Variants in EPHB1 observed in about 807,000 individuals in gnomAD.
EPHB1 encodes EPH receptor B1, also known as ephrin type-B receptor 1.
A neutral mutation model predicts 94.4 loss-of-function variants in EPHB1; 30 were observed. The observed-to-expected ratio is 0.32, with a 90% confidence interval of 0.24 to 0.43. The LOEUF is 0.43. Ranked by LOEUF, EPHB1 falls within the 20% of genes least tolerant of loss-of-function variation. The pLI is 1.00. For missense variants in EPHB1, 1,055 were observed against 1,308.3 expected, an observed-to-expected ratio of 0.81 and a Z score of 2.99; for synonymous variants, 522 against 489.1, an observed-to-expected ratio of 1.07 and a Z score of -0.89.
chr3:134,952,163 AT>A, intron 3 of EPHB1, 111 bp downstream of exon 3: 1 of 1,180,102 alleles, frequency 8.5e-7, no homozygotes, highest in Non-Finnish European at 1.2e-6. Flanking sequence ...CTAATGGCTT[AT>A]TATAAAGCTC....
At position 134,951,422 on chromosome 3, in the gene EPHB1, C is replaced by G; in HGVS notation, c.175C>G (p.Gln59Glu). Residue 59 changes from glutamine to glutamate, a missense_variant, in exon 3 of 16, where the codon CAG becomes GAG. Physicochemically the swap from Gln to Glu is conservative, Grantham distance 29. Coordinates refer to ENST00000398015, the MANE Select transcript of EPHB1 (RefSeq NM_004441.5). The surrounding 1 kb of genome is among the most constrained non-coding windows in gnomAD (Gnocchi z 4.5). ...DENLNTIRTY[Q>E]VCNVFEPNQN... ...AAACCTGAACACCATCCGCACCTAC[C>G]AGGTGTGCAATGTCTTCGAGCCCAA... The G allele has an allele frequency of 6.2e-7, 1 of 1,604,700 alleles. No individual in the cohort carries two copies. Among genetic ancestry groups the G allele is most frequent in the Non-Finnish European group, 8.5e-7 (1 of 1,174,548 alleles).
At chr3:135,141,465 G>A (rs1231245807) in intron 5 of EPHB1, among the ~76,000 whole-genome samples, 2 of 152,130 alleles carry the variant, frequency 1.3e-5, no homozygotes, top group African/African-American at 2.4e-5. Flanking sequence ...AGGTGTCCTG[G>A]CTGACCTTAC....
chr3:134,963,592 A>G (rs1402068031), intron 3 of EPHB1, among the ~76,000 whole-genome samples: 1 of 152,202 alleles, frequency 6.6e-6, no homozygotes, highest in African/African-American at 2.4e-5. Flanking sequence ...AAATCCTCAC[A>G]GAGCTTTATG....
At chr3:135,180,900 C>T (rs1942136075) in intron 10 of EPHB1, among the ~76,000 whole-genome samples, 1 of 152,186 alleles carries the variant, frequency 6.6e-6, no homozygotes, top group African/African-American at 2.4e-5. Context: ...TGTCCAAGCT[C>T]TCTTCACTAA....
At chr3:134,888,462 C>T (rs1203764789) in intron 1 of EPHB1, among the ~76,000 whole-genome samples, 1 of 152,118 alleles carries the variant, frequency 6.6e-6, no homozygotes, top group Non-Finnish European at 1.5e-5. Context: ...GTAATCCCAG[C>T]ACTTTGGGAG....
At chr3:134,826,960 T>C (rs2036491482) in intron 1 of EPHB1, among the ~76,000 whole-genome samples, 1 of 152,242 alleles carries the variant, frequency 6.6e-6, no homozygotes, top group Non-Finnish European at 1.5e-5. Flanking sequence ...GCATAGTGCA[T>C]GCAATAGGTT....
At chr3:135,062,811 A>G (rs1937532825) in intron 3 of EPHB1, among the ~76,000 whole-genome samples, 1 of 152,112 alleles carries the variant, frequency 6.6e-6, no homozygotes, top group Admixed American at 6.5e-5. Flanking sequence ...GGATTTTTAT[A>G]GTTTCAGGTC....
intron 6 of EPHB1, among the ~76,000 whole-genome samples, chr3:135,158,116 A>C (rs1435646832): frequency 2.6e-5 from 4 of 152,218 alleles, no homozygotes; most frequent in Non-Finnish European, 5.9e-5. Flanking sequence ...AATAAATCCA[A>C]ATACTTGCAA....
chr3:135,257,783 T>C (rs1185796805), intron 15 of EPHB1, among the ~76,000 whole-genome samples: 1 of 151,938 alleles, frequency 6.6e-6, no homozygotes, highest in Non-Finnish European at 1.5e-5. Context: ...TAAGCAAGCC[T>C]GGGCAATGGT....
chr3:135,182,478 C>T (rs370099288), intron 10 of EPHB1, among the ~76,000 whole-genome samples: 4 of 152,064 alleles, frequency 2.6e-5, no homozygotes, highest in Admixed American at 1.3e-4. Context: ...GTTCCAGAGG[C>T]GAATAAACAG....
chr3:135,016,077 C>A (rs925735680), intron 3 of EPHB1, among the ~76,000 whole-genome samples: 2 of 152,134 alleles, frequency 1.3e-5, no homozygotes, highest in Non-Finnish European at 2.9e-5. Context: ...GAAAGCTAGC[C>A]CTCCTGGTTG....
intron 3 of EPHB1, among the ~76,000 whole-genome samples, chr3:135,076,839 T>A (rs1937944771): frequency 6.6e-6 from 1 of 152,174 alleles, no homozygotes; most frequent in African/African-American, 2.4e-5. Flanking sequence ...TGAAGCCAGA[T>A]TTTTGAAAAT....
intron 1 of EPHB1, among the ~76,000 whole-genome samples, chr3:134,807,880 G>A (rs2036098184): frequency 6.6e-6 from 1 of 152,170 alleles, no homozygotes; most frequent in South Asian, 2.1e-4. Context: ...TGACGGAAAT[G>A]AGACACAGAG....
intron 1 of EPHB1, among the ~76,000 whole-genome samples, chr3:134,796,861 C>T (rs1231381267): frequency 6.6e-6 from 1 of 152,268 alleles, no homozygotes; most frequent in African/African-American, 2.4e-5. Context: ...GACCGCGCAG[C>T]GTTCCCATCT....
intron 1 of EPHB1, among the ~76,000 whole-genome samples, chr3:134,880,781 C>G (rs1430499422): frequency 6.6e-6 from 1 of 152,214 alleles, no homozygotes; most frequent in Non-Finnish European, 1.5e-5. Context: ...TGCGGCCCTT[C>G]CAGGCACACT....
At chr3:135,178,225 G>GGA (rs1005635188) in intron 9 of EPHB1, among the ~76,000 whole-genome samples, 9 of 48,360 alleles carry the variant, frequency 1.9e-4, no homozygotes, top group Non-Finnish European at 2.6e-4. Flanking sequence ...AGGCCGGGGA[G>GGA]GGGGGGTGGA....
chr3:134,845,610 C>CA (rs2036857531), intron 1 of EPHB1, among the ~76,000 whole-genome samples: 1 of 146,594 alleles, frequency 6.8e-6, no homozygotes, highest in South Asian at 2.1e-4. Flanking sequence ...GGCAGAGAGT[C>CA]AGGCGTGCAG....
chr3:135,197,381 C>T (rs1431398003), intron 11 of EPHB1, among the ~76,000 whole-genome samples: 3 of 152,192 alleles, frequency 2.0e-5, no homozygotes, highest in African/African-American at 7.2e-5. Context: ...AGGAAGAGAA[C>T]ACCAGATTGG....
chr3:135,010,581 T>TAC (rs1935587680), intron 3 of EPHB1, among the ~76,000 whole-genome samples: 1 of 104,998 alleles, frequency 9.5e-6, no homozygotes, highest in African/African-American at 4.6e-5. Flanking sequence ...TTTTTTTTTT[T>TAC]ACGCAGAGTT....
Sources: allele counts gnomAD v4.1 joint callset (sites outside exome capture counted in the v4.1 genomes callset), GRCh38; gene constraint gnomAD v4.1.1; non-coding constraint Gnocchi (gnomAD v3.1); transcripts MANE v1.5; gene names NCBI Gene and HGNC (gene_info 2026-07-23, HGNC 2026-07-21).